The following DNAH7 variants were observed in gnomAD, a reference collection of about 807,000 sequenced individuals.
The protein encoded by DNAH7 is axonemal beta dynein heavy chain 7.
Under a neutral mutation model 444.6 loss-of-function variants are expected in DNAH7, and 397 were observed. The observed-to-expected ratio is 0.89, with a 90% CI of 0.82 to 0.97. The LOEUF (loss-of-function observed/expected upper bound fraction) is 0.97. Among genes scored for constraint, DNAH7 ranks in the 50% least tolerant of loss-of-function variants. DNAH7 has a pLI of 0.00. For missense variants in DNAH7, 4,902 were observed against 4,800.8 expected, an observed-to-expected ratio of 1.02 and a Z score of -0.62; for synonymous variants, 1,636 against 1,624.4, an observed-to-expected ratio of 1.01 and a Z score of -0.17.
At chr2:195,941,374 G>A (rs1457845434) in intron 19 of DNAH7, among the ~76,000 whole-genome samples, 3 of 150,838 alleles carry the variant, frequency 2.0e-5, no homozygotes, top group African/African-American at 7.3e-5. Context: ...CCTGTCGGGG[G>A]TTGGGGGGCA....
intron 21 of DNAH7, 55 bp downstream of exon 21, chr2:195,934,536 A>C (rs181561154): frequency 1.3e-6 from 2 of 1,520,546 alleles, no homozygotes; most frequent in East Asian, 4.5e-5. Context: ...GAATATTTCT[A>C]ATAACATTCA....
At chr2:195,987,627 C>A (rs1693010171) in intron 13 of DNAH7, among the ~76,000 whole-genome samples, 1 of 151,874 alleles carries the variant, frequency 6.6e-6, no homozygotes, top group Non-Finnish European at 1.5e-5. Context: ...GTGTAATTAC[C>A]ATATTTTCCA....
At chr2:195,976,762 A>AGG (rs1692226706) in intron 15 of DNAH7, among the ~76,000 whole-genome samples, 1 of 141,452 alleles carries the variant, frequency 7.1e-6, no homozygotes, top group Non-Finnish European at 1.5e-5. Flanking sequence ...AGAGAGAGAG[A>AGG]GAGAGAGAGA....
At chr2:195,792,031 G>A (rs1240259972) in intron 57 of DNAH7, among the ~76,000 whole-genome samples, 2 of 152,012 alleles carry the variant, frequency 1.3e-5, no homozygotes, top group Admixed American at 6.5e-5. Context: ...GCCAGGTGTG[G>A]TGGTGTGCAC....
chr2:195,746,144 T>C (rs1410085634), intron 63 of DNAH7, among the ~76,000 whole-genome samples: 2 of 152,020 alleles, frequency 1.3e-5, no homozygotes, highest in Non-Finnish European at 1.5e-5. Context: ...GATAAAAGGA[T>C]GGAGGAAGAT....
At chr2:195,878,333 G>T (rs1355645789) in intron 36 of DNAH7, among the ~76,000 whole-genome samples, 1 of 152,196 alleles carries the variant, frequency 6.6e-6, no homozygotes, top group Non-Finnish European at 1.5e-5. Context: ...AAGGGTGGGT[G>T]TGGTGGCTCC....
At chr2:195,879,897 T>C in intron 36 of DNAH7, among the ~76,000 whole-genome samples, 1 of 152,218 alleles carries the variant, frequency 6.6e-6, no homozygotes, top group East Asian at 1.9e-4. Context: ...TATAGACTCC[T>C]TCCTACCACT....
intron 15 of DNAH7, among the ~76,000 whole-genome samples, chr2:195,982,605 A>G (rs1240214869): frequency 2.0e-5 from 3 of 152,220 alleles, no homozygotes; most frequent in African/African-American, 4.8e-5. Context: ...GATGAATAGA[A>G]AAAGAAAATG....
intron 63 of DNAH7, among the ~76,000 whole-genome samples, chr2:195,742,425 G>A (rs1420271993): frequency 6.6e-6 from 1 of 152,194 alleles, no homozygotes; most frequent in Non-Finnish European, 1.5e-5. Flanking sequence ...TTTGGGAAGA[G>A]TGATAATATA....
At chr2:195,883,308 A>G (rs1264011961) in intron 35 of DNAH7, among the ~76,000 whole-genome samples, 2 of 152,072 alleles carry the variant, frequency 1.3e-5, no homozygotes, top group Non-Finnish European at 2.9e-5. Context: ...TTAGCTGGGC[A>G]TGGTGGCGGG....
At chr2:196,032,710 T>C (rs1696133941) in intron 5 of DNAH7, among the ~76,000 whole-genome samples, 1 of 152,172 alleles carries the variant, frequency 6.6e-6, no homozygotes, top group Non-Finnish European at 1.5e-5. Flanking sequence ...ATAATACCAA[T>C]TCTACACAAA....
chr2:195,865,905 G>C (rs1700308708), intron 40 of DNAH7, among the ~76,000 whole-genome samples: 1 of 152,050 alleles, frequency 6.6e-6, no homozygotes, highest in Non-Finnish European at 1.5e-5. Context: ...GTTTCTGTTG[G>C]GCAGCCCTTA....
chr2:196,007,929 A>G (rs1309454551), intron 10 of DNAH7, among the ~76,000 whole-genome samples: 4 of 152,186 alleles, frequency 2.6e-5, no homozygotes, highest in Non-Finnish European at 2.9e-5. Flanking sequence ...AAAAACATAA[A>G]TGAGACTTCG....
At chr2:195,933,877 T>C (rs1688868662) in intron 21 of DNAH7, among the ~76,000 whole-genome samples, 1 of 152,034 alleles carries the variant, frequency 6.6e-6, no homozygotes. Flanking sequence ...TGTGCACATG[T>C]ACCCTAAAAC....
intron 19 of DNAH7, among the ~76,000 whole-genome samples, chr2:195,937,177 A>C (rs1259282575): frequency 6.6e-5 from 10 of 152,198 alleles, no homozygotes; most frequent in Non-Finnish European, 2.9e-5. Flanking sequence ...CATCATTATA[A>C]TTATTATTTT....
At chr2:195,849,619 G>T (rs1392225533) in intron 46 of DNAH7, among the ~76,000 whole-genome samples, 1 of 151,770 alleles carries the variant, frequency 6.6e-6, no homozygotes, top group Non-Finnish European at 1.5e-5. Context: ...TTATTTTTTT[G>T]AGACGGAATC....
chr2:195,947,915 GT>G lies in DNAH7; in HGVS notation c.3078+9345del, dbSNP rs138658199. Among the ~76,000 whole-genome samples, 989 of 152,278 alleles carry G rather than the reference GT, an allele frequency of 6.5e-3. 5 individuals carry two copies. Among genetic ancestry groups the G allele is most frequent in the Non-Finnish European group, 0.011 (740 of 68,030 alleles). On this transcript the variant is annotated intron_variant, in intron 19 of 64. Transcript: ENST00000312428. ...ACTAATTTACGCTCCCACCAACACTGTAAAAACGTTCCTATTCCTTCACAGC... is the reference window on the plus strand; with the variant it reads ...ACTAATTTACGCTCCCACCAACACTGAAAAACGTTCCTATTCCTTCACAGC...
rs1574343696 is a variant in DNAH7, at chr2:195,741,024, A to T, written c.11765-155T>A. On this transcript the variant is annotated intron_variant, in intron 63 of 64. Coordinates refer to ENST00000312428, the MANE Select transcript of DNAH7 (RefSeq NM_018897.3). Reference sequence around the variant, plus strand: ...ATGAAAGCAATCTCCTGAGTGTTTTAACATCCATATTTCAAGAACATTGAA... The same window carrying T: ...ATGAAAGCAATCTCCTGAGTGTTTTTACATCCATATTTCAAGAACATTGAA... The T allele has an allele frequency of 1.5e-5, 5 of 336,286 alleles. No individual in the cohort carries two copies. In the South Asian group the frequency reaches 4.7e-4, roughly 31 times the overall value. 20.8% of individuals were successfully genotyped at this position (336,286 alleles called of 1,614,324 possible).
chr2:195,833,777 A>G (rs1036491640), intron 48 of DNAH7, among the ~76,000 whole-genome samples: 3 of 151,918 alleles, frequency 2.0e-5, no homozygotes, highest in Non-Finnish European at 4.4e-5. Context: ...TTTTTTTGAG[A>G]TGGAGTCTCG....
Sources: gnomAD v4.1 joint callset for allele counts (sites outside exome capture counted in the v4.1 genomes callset) on GRCh38, gnomAD v4.1.1 for gene constraint, MANE v1.5 for transcripts, NCBI Gene and HGNC (gene_info 2026-07-23, HGNC 2026-07-21) for gene names.